The following SLC9A4 variants were observed in gnomAD, a reference collection of about 807,000 sequenced individuals.
The protein encoded by SLC9A4 is solute carrier family 9 member A4.
Under a neutral mutation model 67.4 loss-of-function variants are expected in SLC9A4, and 63 were observed. The observed-to-expected ratio is 0.93, with a 90% CI of 0.76 to 1.15. The LOEUF (loss-of-function observed/expected upper bound fraction) is 1.15, where lower values mean the gene tolerates loss of function less well. Ranked by LOEUF, SLC9A4 falls within the 50% of genes most tolerant of loss-of-function variation. The pLI, the probability that SLC9A4 is intolerant of heterozygous loss-of-function variation, is 0.00. For synonymous variants in SLC9A4, 393 were observed against 367.2 expected, an observed-to-expected ratio of 1.07 and a Z score of -0.80; for missense variants, 1,089 against 987.7, an observed-to-expected ratio of 1.10 and a Z score of -1.38.
At chr2:102,525,789 T>C (rs1217026070) in intron 10 of SLC9A4, among the ~76,000 whole-genome samples, 1 of 152,120 alleles carries the variant, frequency 6.6e-6, no homozygotes, top group Non-Finnish European at 1.5e-5. Flanking sequence ...AAATACATGT[T>C]GGAGACTGGC....
At chr2:102,486,566 G>T (rs1684593090) in intron 2 of SLC9A4, among the ~76,000 whole-genome samples, 1 of 152,094 alleles carries the variant, frequency 6.6e-6, no homozygotes, top group Non-Finnish European at 1.5e-5. Context: ...TGATTCCAAG[G>T]ATGGGAGCCA....
In SLC9A4 at chr2:102,505,362, G is replaced by C; in HGVS notation, c.1089G>C (p.Glu363Asp). 1 of 1,614,230 alleles carries C rather than the reference G, an allele frequency of 6.2e-7. No homozygotes were observed. ...TGAAGATGCTGAGCAGCGTCAGCGA[G>C]ACCTTGATCTTCATCTTCATGGGTG... is the stretch of plus-strand genomic sequence containing the variant. ...YFMKMLSSVS[E>D]TLIFIFMGVS... The change falls in exon 4 of 12, where the codon GAG (glutamate) becomes GAC (aspartate). Residue 363 changes from glutamate (E) to aspartate (D), a missense_variant. By Grantham distance (45) the Glu-to-Asp change is conservative. Coordinates refer to ENST00000295269, the MANE Select transcript of SLC9A4 (RefSeq NM_001011552.4).
chr2:102,508,254 AGT>A lies in SLC9A4; in HGVS notation c.1375_1376del (p.Val459TyrfsTer22), dbSNP rs781060357. 1 of 1,613,806 alleles carries A rather than the reference AGT, an allele frequency of 6.2e-7. No individual in the cohort carries two copies. Among genetic ancestry groups the A allele is most frequent in the Non-Finnish European group, 8.5e-7 (1 of 1,179,898 alleles). ...AAATGTTTGTCACTGCTACTCTAGTAGTTATATACTTTACTGTATTTATTCAG... is the reference window on the plus strand; with the variant it reads ...AAATGTTTGTCACTGCTACTCTAGTATATATACTTTACTGTATTTATTCAG... ...KKMFVTATLV[V>X]IYFTVFIQGI... On this transcript the variant is annotated frameshift_variant, in exon 5 of 12. Transcript: ENST00000295269. LOFTEE classifies it high-confidence loss of function.
intron 4 of SLC9A4, 79 bp downstream of exon 4, chr2:102,505,550 T>C: frequency 7.1e-7 from 1 of 1,404,328 alleles, no homozygotes; most frequent in Non-Finnish European, 9.9e-7. Context: ...ATGTTAAAAC[T>C]GGAGGACTGA....
At chr2:102,505,876 C>T (rs1467445849) in intron 4 of SLC9A4, 1 of 184,060 alleles carries the variant, frequency 5.4e-6, no homozygotes, top group African/African-American at 2.4e-5. Context: ...TCCTCTTGCA[C>T]CTTAAATCAG....
intron 6 of SLC9A4, among the ~76,000 whole-genome samples, chr2:102,510,266 CAGATACAGATAT>C (rs1221168566): frequency 8.9e-4 from 61 of 68,608 alleles, no homozygotes; most frequent in African/African-American, 2.5e-3. Flanking sequence ...GATACAGATA[CAGATACAGATAT>C]AGATATAGAT....
chr2:102,526,492 T>A (rs1182387736), intron 11 of SLC9A4, 146 bp downstream of exon 11: 25 of 633,508 alleles, frequency 3.9e-5, no homozygotes, highest in African/African-American at 7.5e-5. Context: ...CTTTTATAGT[T>A]GAAACTCGGA....
In SLC9A4 at chr2:102,485,435, GC is replaced by G. The variant is rs370049701; in HGVS notation, c.720+6135del. On this transcript the variant is annotated intron_variant, in intron 2 of 11. Coordinates refer to ENST00000295269, the MANE Select transcript of SLC9A4 (RefSeq NM_001011552.4). ...CCTCTATTTATTGTGGATTCTTGCTGCCAGCATTAGATTCTATATCTCCTGA... is the reference window on the plus strand; with the variant it reads ...CCTCTATTTATTGTGGATTCTTGCTGCAGCATTAGATTCTATATCTCCTGA... Among the ~76,000 whole-genome samples the G allele has an allele frequency of 3.3e-5, 5 of 152,304 alleles. 1 individual carries two copies. Among genetic ancestry groups the G allele is most frequent in the African/African-American group, 9.6e-5 (4 of 41,566 alleles).
intron 8 of SLC9A4, among the ~76,000 whole-genome samples, chr2:102,515,699 T>C (rs1004084775): frequency 1.3e-5 from 2 of 152,080 alleles, no homozygotes; most frequent in African/African-American, 2.4e-5. Context: ...TTTATATCTA[T>C]AAATATTGCA....
At chr2:102,484,479 T>C (rs1393607814) in intron 2 of SLC9A4, among the ~76,000 whole-genome samples, 2 of 152,196 alleles carry the variant, frequency 1.3e-5, no homozygotes, top group Non-Finnish European at 1.5e-5. Flanking sequence ...ATAGGCTCAC[T>C]GGAAAATTTA....
chr2:102,517,972 T>C (rs1685311498), intron 8 of SLC9A4, among the ~76,000 whole-genome samples: 1 of 152,246 alleles, frequency 6.6e-6, no homozygotes, highest in Non-Finnish European at 1.5e-5. Flanking sequence ...GTGTTTGTGC[T>C]GTGAGTATTT....
chr2:102,529,880 G>C (rs1674744506), intron 11 of SLC9A4, among the ~76,000 whole-genome samples: 1 of 152,118 alleles, frequency 6.6e-6, no homozygotes, highest in South Asian at 2.1e-4. Flanking sequence ...GGGCTCTTTT[G>C]CCTTTAGGGC....
In SLC9A4 at chr2:102,503,579, T is replaced by C; in HGVS notation, c.852T>C (p.Phe284=). ...GAGGGGTATTGTTTGGCATCGTTTT[T>C]GGATTTATTTCTGCATTTATCACAC... The part of the protein sequence containing the change: ...GLGGVLFGIV[F]GFISAFITRF... Residue 284 remains phenylalanine, a synonymous_variant, in exon 3 of 12, where the codon TTT becomes TTC. Coordinates refer to ENST00000295269, the MANE Select transcript of SLC9A4 (RefSeq NM_001011552.4). 6.2e-7 allele frequency: 1 copy of C among 1,614,192 alleles called. No individual in the cohort carries two copies. The highest frequency in any genetic ancestry group is 1.3e-5 in the African/African-American group (1 of 75,046).
intron 1 of SLC9A4, among the ~76,000 whole-genome samples, chr2:102,475,504 T>C (rs1170977241): frequency 6.6e-6 from 1 of 152,232 alleles, no homozygotes; most frequent in Non-Finnish European, 1.5e-5. Context: ...GTGTAAAACC[T>C]AGCTTGTTTT....
At chr2:102,495,644 G>T (rs1354829078) in intron 2 of SLC9A4, among the ~76,000 whole-genome samples, 3 of 152,072 alleles carry the variant, frequency 2.0e-5, no homozygotes, top group East Asian at 3.8e-4. Context: ...CTACACAAAT[G>T]ACAATATTAA....
In SLC9A4 at chr2:102,478,972, C is replaced by T; in HGVS notation, c.390C>T (p.Tyr130=). Residue 130 remains tyrosine (Y), a synonymous_variant, in exon 2 of 12, where the codon TAC becomes TAT. Coordinates refer to ENST00000295269, the MANE Select transcript of SLC9A4 (RefSeq NM_001011552.4). The stretch of plus-strand genomic sequence containing the variant: ...CTCCGGTCATGGACTCCAGCATCTA[C>T]TTCCTGTATCTCCTGCCACCCATCG... ...KSPPVMDSSI[Y]FLYLLPPIVL... is the part of the protein sequence containing the mutation. 1 of 1,614,118 alleles carries T rather than the reference C, an allele frequency of 6.2e-7. No homozygotes were observed. The highest frequency in any genetic ancestry group is 8.5e-7 in the Non-Finnish European group (1 of 1,179,998).
intron 2 of SLC9A4, among the ~76,000 whole-genome samples, chr2:102,491,311 C>T (rs151254748): frequency 0.028 from 2,185 of 77,376 alleles, 44 homozygotes; most frequent in Non-Finnish European, 0.042. Context: ...CCCATTTGTA[C>T]TAATGCTTTT....
chr2:102,512,356 G>A, intron 7 of SLC9A4, 83 bp downstream of exon 7: 2 of 1,479,288 alleles, frequency 1.4e-6, no homozygotes, highest in Non-Finnish European at 1.9e-6. Flanking sequence ...GAGAATTCAG[G>A]GAATGGAGAC....
At chr2:102,476,562 C>A (rs1684336297) in intron 1 of SLC9A4, among the ~76,000 whole-genome samples, 1 of 152,150 alleles carries the variant, frequency 6.6e-6, no homozygotes, top group Non-Finnish European at 1.5e-5. Context: ...GGAAGCAGGG[C>A]CAAACTGGGG....
Sources: allele counts gnomAD v4.1 joint callset (sites outside exome capture counted in the v4.1 genomes callset), GRCh38; gene constraint gnomAD v4.1.1; transcripts MANE v1.5; gene names NCBI Gene and HGNC (gene_info 2026-07-23, HGNC 2026-07-21).